Variants in DST observed in about 807,000 individuals in gnomAD.
DST encodes the protein dystonin, also known as bullous pemphigoid antigen.
A neutral mutation model predicts 875.2 loss-of-function variants in DST; 253 were observed. That is an observed-to-expected ratio of 0.29 (90% CI 0.26 to 0.32). DST has a LOEUF of 0.32. Ranked by LOEUF, DST falls within the 10% of genes least tolerant of loss-of-function variation. The pLI is 1.00. For missense variants in DST, 8,287 were observed against 9,111.6 expected (o/e 0.91, Z 3.68); for synonymous variants, 3,124 against 3,197.1 (o/e 0.98, Z 0.77).
At chr6:56,765,303 T>G (rs541209095) in intron 4 of DST, among the ~76,000 whole-genome samples, 4 of 152,204 alleles carry the variant, frequency 2.6e-5, no homozygotes, top group Non-Finnish European at 5.9e-5. Flanking sequence ...CAGATATCAT[T>G]TGCCCCCAAT....
rs541999630 is a variant in DST, at chr6:56,489,731, T to C, written c.20758-122A>G. 56 of 959,838 alleles carry C rather than the reference T, an allele frequency of 5.8e-5. No homozygotes were observed. In the South Asian group the frequency reaches 1.3e-3, roughly 22 times the overall value. 59.5% of individuals were successfully genotyped at this position (959,838 alleles called of 1,614,324 possible). On this transcript the variant is annotated intron_variant, in intron 85 of 103. Transcript: ENST00000680361. ...TCCTGAAAATTATTATTTCAAAATT[T>C]CCACTGAAGAAGAAAAAAGTAATGC...
At chr6:56,613,341 T>G (rs532961761) in intron 37 of DST, among the ~76,000 whole-genome samples, 21 of 152,196 alleles carry the variant, frequency 1.4e-4, no homozygotes, top group Non-Finnish European at 2.9e-5. Context: ...TTCAAGTATA[T>G]ACTCTGGTCT....
chr6:56,612,826 G>C (rs1448981317), intron 37 of DST, among the ~76,000 whole-genome samples: 1 of 152,126 alleles, frequency 6.6e-6, no homozygotes, highest in East Asian at 1.9e-4. Context: ...ATCTGACTTA[G>C]TAATGTTTTA....
chr6:56,787,788 T>C (rs1564182427), intron 4 of DST, among the ~76,000 whole-genome samples: 1 of 152,150 alleles, frequency 6.6e-6, no homozygotes, highest in African/African-American at 2.4e-5. Flanking sequence ...GTTAACTTGA[T>C]TAAATGAATA....
intron 4 of DST, among the ~76,000 whole-genome samples, chr6:56,824,015 GGTCTC>G (rs1562026630): frequency 9.3e-5 from 14 of 151,078 alleles, no homozygotes; most frequent in African/African-American, 2.7e-4. Flanking sequence ...CTCTCCCCAC[GGTCTC>G]CCTCTCCCTC....
chr6:56,685,591 G>T (rs2099179737), intron 9 of DST, among the ~76,000 whole-genome samples: 2 of 152,068 alleles, frequency 1.3e-5, no homozygotes, highest in Non-Finnish European at 2.9e-5. Flanking sequence ...GGCCAACACG[G>T]TGAAACCTCG....
At chr6:56,464,968 T>C (rs2094508392) in intron 99 of DST, among the ~76,000 whole-genome samples, 1 of 152,176 alleles carries the variant, frequency 6.6e-6, no homozygotes, top group Admixed American at 6.5e-5. Context: ...CATGCTAACC[T>C]TCCTAAGCAA....
chr6:56,762,149 T>C (rs2099618684), intron 4 of DST, among the ~76,000 whole-genome samples: 1 of 151,982 alleles, frequency 6.6e-6, no homozygotes, highest in Non-Finnish European at 1.5e-5. Flanking sequence ...GCCTCCTGAG[T>C]AGCTGGGATT....
chr6:56,565,170 G>A (rs1216320983), intron 55 of DST, among the ~76,000 whole-genome samples: 11 of 148,120 alleles, frequency 7.4e-5, no homozygotes, highest in African/African-American at 2.8e-4. Flanking sequence ...ACCCAGGCTG[G>A]AGTGCAGTGG....
chr6:56,533,034 C>G (rs1201949849), intron 63 of DST, among the ~76,000 whole-genome samples: 2 of 152,148 alleles, frequency 1.3e-5, no homozygotes, highest in African/African-American at 4.8e-5. Flanking sequence ...GCTCTTGGCT[C>G]CTTTTACTAG....
At chr6:56,757,629 T>C (rs1235182893) in intron 4 of DST, among the ~76,000 whole-genome samples, 1 of 152,176 alleles carries the variant, frequency 6.6e-6, no homozygotes, top group Admixed American at 6.5e-5. Flanking sequence ...AAAGCTAATG[T>C]GTTATATGGC....
At chr6:56,725,277 C>G (rs770012990) in intron 5 of DST, among the ~76,000 whole-genome samples, 1 of 152,188 alleles carries the variant, frequency 6.6e-6, no homozygotes, top group Non-Finnish European at 1.5e-5. Flanking sequence ...CTGAGGCAGA[C>G]TCCAGGTATG....
chr6:56,915,047 C>T (rs1351096593), intron 2 of DST, among the ~76,000 whole-genome samples: 1 of 152,226 alleles, frequency 6.6e-6, no homozygotes, highest in African/African-American at 2.4e-5. Context: ...TGCGCAATGA[C>T]AGACTCTATA....
At chr6:56,682,610 C>T (rs976505274) in intron 9 of DST, among the ~76,000 whole-genome samples, 9 of 152,134 alleles carry the variant, frequency 5.9e-5, no homozygotes, top group Admixed American at 2.0e-4. Flanking sequence ...CAGAGGATTG[C>T]GGTTGAGAAT....
chr6:56,614,971 C>T (rs1357710879), intron 36 of DST: 1 of 992,948 alleles, frequency 1.0e-6, no homozygotes, highest in African/African-American at 1.7e-5. Context: ...GAAGACTTAA[C>T]TAGAAATGGG....
intron 3 of DST, among the ~76,000 whole-genome samples, chr6:56,868,745 C>CT (rs1240232566): frequency 1.3e-5 from 2 of 152,198 alleles, no homozygotes; most frequent in Admixed American, 1.3e-4. Context: ...AACATTTTCT[C>CT]TATTGGAGTT....
chr6:56,829,772 G>T (rs552657581), intron 4 of DST, among the ~76,000 whole-genome samples: 18 of 152,094 alleles, frequency 1.2e-4, no homozygotes, highest in African/African-American at 4.1e-4. Flanking sequence ...AATAGTTGCT[G>T]GCACACAAGA....
chr6:56,880,224 TAA>T (rs1413448544), intron 3 of DST, among the ~76,000 whole-genome samples: 2 of 152,220 alleles, frequency 1.3e-5, no homozygotes, highest in Non-Finnish European at 2.9e-5. Flanking sequence ...GATTCATTAT[TAA>T]AAATATATTG....
chr6:56,781,934 A>C (rs915975728), intron 4 of DST, among the ~76,000 whole-genome samples: 6 of 152,180 alleles, frequency 3.9e-5, no homozygotes, highest in African/African-American at 1.2e-4. Flanking sequence ...TAGCATGAAG[A>C]GTTGTTGAAT....
Sources: allele counts gnomAD v4.1 joint callset (sites outside exome capture counted in the v4.1 genomes callset), GRCh38; gene constraint gnomAD v4.1.1; transcripts MANE v1.5; gene names NCBI Gene and HGNC (gene_info 2026-07-23, HGNC 2026-07-21).